The following CDK14 variants were observed in gnomAD, a reference collection of about 807,000 sequenced individuals.
The protein encoded by CDK14 is cyclin dependent kinase 14.
In CDK14, 34 loss-of-function variants were observed where a neutral mutation model predicts 60.7. The observed-to-expected ratio is 0.56, with a 90% CI of 0.43 to 0.75. The LOEUF (loss-of-function observed/expected upper bound fraction) is 0.75. Among genes scored for constraint, CDK14 ranks in the 30% least tolerant of loss-of-function variants. The probability of loss-of-function intolerance (pLI) is 0.00; values close to 1 mark genes in which losing one functional copy is unlikely to be tolerated. For synonymous variants in CDK14, 197 were observed against 203.7 expected (o/e 0.97, Z 0.28); for missense variants, 482 against 564.1 (o/e 0.85, Z 1.47).
At chr7:90,932,833 C>T (rs76138466) in intron 8 of CDK14, among the ~76,000 whole-genome samples, 5,460 of 152,278 alleles carry the variant, frequency 0.036, 145 homozygotes, top group South Asian at 0.073. Flanking sequence ...TACTTCTGAG[C>T]TCACATGGCT....
At chr7:90,914,455 A>G (rs1360227575) in intron 7 of CDK14, among the ~76,000 whole-genome samples, 2 of 152,176 alleles carry the variant, frequency 1.3e-5, no homozygotes, top group East Asian at 1.9e-4. Context: ...TCTAGGGACC[A>G]CATCTTATAT....
intron 10 of CDK14, among the ~76,000 whole-genome samples, chr7:91,028,413 T>C (rs1332482692): frequency 6.6e-6 from 1 of 152,224 alleles, no homozygotes; most frequent in Non-Finnish European, 1.5e-5. Context: ...GTATCTTTTT[T>C]ATATGATTTA....
intron 5 of CDK14, among the ~76,000 whole-genome samples, chr7:90,841,028 G>A (rs1020858285): frequency 6.6e-6 from 1 of 152,086 alleles, no homozygotes; most frequent in Non-Finnish European, 1.5e-5. Context: ...GGGAGGGAAG[G>A]TATCAAACTG....
At chr7:90,909,285 C>T (rs1369027182) in intron 7 of CDK14, among the ~76,000 whole-genome samples, 1 of 152,086 alleles carries the variant, frequency 6.6e-6, no homozygotes, top group African/African-American at 2.4e-5. Context: ...TTTCTTAGAA[C>T]AGTTCTTTCA....
intron 5 of CDK14, among the ~76,000 whole-genome samples, chr7:90,849,621 G>A (rs1428414555): frequency 6.6e-6 from 1 of 151,900 alleles, no homozygotes; most frequent in Non-Finnish European, 1.5e-5. Context: ...TTGTTGAAGG[G>A]GCCAGTTGTG....
chr7:90,807,421 A>G (rs923543425), intron 5 of CDK14, among the ~76,000 whole-genome samples: 7 of 152,222 alleles, frequency 4.6e-5, no homozygotes, highest in Admixed American at 1.3e-4. Flanking sequence ...TGTTAGAAGG[A>G]AAACTAACAA....
intron 9 of CDK14, among the ~76,000 whole-genome samples, chr7:90,974,621 C>G (rs1047399346): frequency 6.6e-6 from 1 of 152,126 alleles, no homozygotes; most frequent in Non-Finnish European, 1.5e-5. Context: ...TTAATGTCAA[C>G]TAGAGAAATA....
Position 90,747,662 on chromosome 7 carries a change from C to T in CDK14, c.370-19C>T. ...AATTTGATACAATCTGTTTTGTTTACCCTGTGCTTCATTTTTAGCCAACAA... is the reference window on the plus strand; with the variant it reads ...AATTTGATACAATCTGTTTTGTTTATCCTGTGCTTCATTTTTAGCCAACAA... On this transcript the variant is annotated intron_variant, in intron 3 of 14. Transcript: ENST00000380050. 2 of 1,455,180 alleles carry T rather than the reference C, an allele frequency of 1.4e-6. No individual in the cohort carries two copies. Among genetic ancestry groups the T allele is most frequent in the Admixed American group, 1.9e-5 (1 of 51,918 alleles). 90.1% of individuals were successfully genotyped at this position (1,455,180 alleles called of 1,614,324 possible). A position where few individuals can be genotyped will look rare whatever the true frequency, so the allele number is the denominator to read the frequency against.
At chr7:90,915,221 G>T (rs1793038686) in intron 7 of CDK14, among the ~76,000 whole-genome samples, 1 of 152,158 alleles carries the variant, frequency 6.6e-6, no homozygotes, top group African/African-American at 2.4e-5. Flanking sequence ...CAGATCATGA[G>T]GTCAGGAGAT....
At chr7:90,938,371 G>A (rs1032493195) in intron 8 of CDK14, among the ~76,000 whole-genome samples, 1 of 152,200 alleles carries the variant, frequency 6.6e-6, no homozygotes, top group Non-Finnish European at 1.5e-5. Flanking sequence ...CTTTTACATG[G>A]TGGAATGCTA....
chr7:91,105,324 A>G (rs902123961), intron 12 of CDK14, among the ~76,000 whole-genome samples: 4 of 152,266 alleles, frequency 2.6e-5, no homozygotes, highest in Non-Finnish European at 5.9e-5. Context: ...CTCAAAGCAC[A>G]TTAGTGGGCT....
chr7:90,852,062 C>CT (rs1562798493), intron 5 of CDK14, among the ~76,000 whole-genome samples: 1 of 152,078 alleles, frequency 6.6e-6, no homozygotes, highest in Non-Finnish European at 1.5e-5. Flanking sequence ...TCATGCCCAG[C>CT]TAATTTTTAT....
chr7:90,999,148 G>A (rs1274583195), intron 10 of CDK14, among the ~76,000 whole-genome samples: 2 of 152,036 alleles, frequency 1.3e-5, no homozygotes, highest in Admixed American at 1.3e-4. Context: ...TCATCAACAC[G>A]TGAATTTGTG....
intron 2 of CDK14, among the ~76,000 whole-genome samples, chr7:90,702,087 C>A (rs959411746): frequency 7.2e-5 from 11 of 152,152 alleles, no homozygotes; most frequent in African/African-American, 2.7e-4. Context: ...GTGCAGCCCT[C>A]CTTAGACTGC....
chr7:90,792,271 C>T (rs935986439), intron 5 of CDK14, among the ~76,000 whole-genome samples: 1 of 150,750 alleles, frequency 6.6e-6, no homozygotes, highest in African/African-American at 2.4e-5. Flanking sequence ...TAAAGAGAAG[C>T]TATAAGTTGA....
chr7:90,654,770 T>C (rs1234834190), intron 2 of CDK14, among the ~76,000 whole-genome samples: 1 of 152,184 alleles, frequency 6.6e-6, no homozygotes, highest in Non-Finnish European at 1.5e-5. Context: ...TCCCCTGTTA[T>C]TAATATTTTG....
At chr7:90,853,483 G>A (rs925735546) in intron 5 of CDK14, among the ~76,000 whole-genome samples, 3 of 151,640 alleles carry the variant, frequency 2.0e-5, no homozygotes, top group East Asian at 3.9e-4. Flanking sequence ...TGCTTGTAGA[G>A]CAGCAAGTAG....
At chr7:90,797,578 T>C (rs1239706775) in intron 5 of CDK14, among the ~76,000 whole-genome samples, 1 of 151,964 alleles carries the variant, frequency 6.6e-6, no homozygotes, top group Non-Finnish European at 1.5e-5. Flanking sequence ...TCTTGCACTG[T>C]TGTAAAGAAA....
intron 6 of CDK14, among the ~76,000 whole-genome samples, chr7:90,865,016 T>A (rs570638023): frequency 6.6e-6 from 1 of 152,284 alleles, no homozygotes; most frequent in South Asian, 2.1e-4. Context: ...TTTTGGCTTA[T>A]GATTGCCCTG....
Sources: allele counts gnomAD v4.1 joint callset (sites outside exome capture counted in the v4.1 genomes callset), GRCh38; gene constraint gnomAD v4.1.1; transcripts MANE v1.5; gene names NCBI Gene and HGNC (gene_info 2026-07-23, HGNC 2026-07-21).